Variants in TCF4 observed in about 807,000 individuals in gnomAD.
The protein encoded by TCF4 is transcription factor 4, also known as SL3-3 enhancer factor 2.
Under a neutral mutation model 82.1 loss-of-function variants are expected in TCF4, and 3 were observed. The observed-to-expected ratio is 0.04, with a 90% CI of 0.02 to 0.09. The LOEUF is 0.09. TCF4 is among the 10% of genes least tolerant of loss of function. The probability of loss-of-function intolerance (pLI) is 1.00; values close to 1 mark genes in which losing one functional copy is unlikely to be tolerated. For synonymous variants in TCF4, 276 were observed against 309.6 expected, an observed-to-expected ratio of 0.89 and a Z score of 1.14; for missense variants, 518 against 852.7, an observed-to-expected ratio of 0.61 and a Z score of 4.89.
intron 15 of TCF4, among the ~76,000 whole-genome samples, chr18:55,240,540 G>A (rs2050886028): frequency 6.6e-6 from 1 of 152,200 alleles, no homozygotes; most frequent in Non-Finnish European, 1.5e-5. Flanking sequence ...CTTTTAAAGA[G>A]GTGGGAAGCG....
At chr18:55,438,918 A>G (rs1173535329) in intron 5 of TCF4, among the ~76,000 whole-genome samples, 1 of 152,220 alleles carries the variant, frequency 6.6e-6, no homozygotes, top group Non-Finnish European at 1.5e-5. Context: ...AGACAGATTA[A>G]TGCTGAGAAC....
intron 3 of TCF4, among the ~76,000 whole-genome samples, chr18:55,538,790 G>C (rs891770318): frequency 6.6e-6 from 1 of 152,144 alleles, no homozygotes; most frequent in African/African-American, 2.4e-5. Flanking sequence ...CTAGATGGCT[G>C]TATATCTATC....
intron 3 of TCF4, among the ~76,000 whole-genome samples, chr18:55,527,752 AT>A (rs879546103): frequency 6.6e-6 from 1 of 152,080 alleles, no homozygotes; most frequent in Non-Finnish European, 1.5e-5. Flanking sequence ...AAATCCAAGA[AT>A]TTTTTTTAGA....
intron 2 of TCF4, among the ~76,000 whole-genome samples, chr18:55,601,421 T>C (rs546472238): frequency 1.3e-5 from 2 of 151,406 alleles, no homozygotes; most frequent in Admixed American, 1.3e-4. Context: ...CTGTGCCCTT[T>C]CCCTGAGGCC....
At chr18:55,587,746 TC>T (rs2097664828) in intron 1 of TCF4, among the ~76,000 whole-genome samples, 1 of 149,320 alleles carries the variant, frequency 6.7e-6, no homozygotes, top group African/African-American at 2.5e-5. Context: ...GAGGGTCGGG[TC>T]CTCTAATTGT....
intron 1 of TCF4, among the ~76,000 whole-genome samples, chr18:55,632,057 G>A (rs1354163435): frequency 6.6e-6 from 1 of 151,942 alleles, no homozygotes; most frequent in Non-Finnish European, 1.5e-5. Flanking sequence ...GTTTTGTTTT[G>A]AAACGTAGTC....
intron 6 of TCF4, among the ~76,000 whole-genome samples, chr18:55,362,484 A>G (rs974826244): frequency 4.6e-5 from 7 of 152,038 alleles, no homozygotes; most frequent in African/African-American, 1.4e-4. Flanking sequence ...TTGGACTCCA[A>G]TGTCCCTTCC....
At chr18:55,334,445 A>G (rs1404209953) in intron 8 of TCF4, among the ~76,000 whole-genome samples, 1 of 152,126 alleles carries the variant, frequency 6.6e-6, no homozygotes, top group African/African-American at 2.4e-5. Flanking sequence ...GCATAATTCC[A>G]AGATAAAAAT....
intron 3 of TCF4, among the ~76,000 whole-genome samples, chr18:55,479,534 C>T (rs1173102281): frequency 1.3e-5 from 2 of 152,120 alleles, no homozygotes; most frequent in Admixed American, 1.3e-4. Context: ...AGGATTTGGC[C>T]AATAAAATGT....
At chr18:55,471,543 GAA>G (rs1461352500) in intron 3 of TCF4, among the ~76,000 whole-genome samples, 2 of 152,080 alleles carry the variant, frequency 1.3e-5, no homozygotes, top group Non-Finnish European at 2.9e-5. Flanking sequence ...TATCAGACTA[GAA>G]AAAGTGAGGC....
At chr18:55,375,858 G>T (rs2090590995) in intron 6 of TCF4, among the ~76,000 whole-genome samples, 1 of 151,988 alleles carries the variant, frequency 6.6e-6, no homozygotes, top group Non-Finnish European at 1.5e-5. Flanking sequence ...TTTACAAATA[G>T]GGAGTAGGAG....
At chr18:55,503,035 AT>A (rs962864727) in intron 3 of TCF4, among the ~76,000 whole-genome samples, 103 of 152,284 alleles carry the variant, frequency 6.8e-4, no homozygotes, top group African/African-American at 2.4e-3. Context: ...ATTACTTTTG[AT>A]TTATCCTTAT....
At chr18:55,276,048 A>C (rs1187460718) in intron 9 of TCF4, among the ~76,000 whole-genome samples, 1 of 152,200 alleles carries the variant, frequency 6.6e-6, no homozygotes, top group Non-Finnish European at 1.5e-5. Context: ...TGCTAAAGGA[A>C]ACATTTCTTA....
chr18:55,364,921 G>T (rs188401425), intron 6 of TCF4, among the ~76,000 whole-genome samples: 1 of 151,888 alleles, frequency 6.6e-6, no homozygotes, highest in African/African-American at 2.4e-5. Context: ...AGCACTTTGG[G>T]AACTGAGGCA....
At chr18:55,438,939 AG>A (rs902334379) in intron 5 of TCF4, among the ~76,000 whole-genome samples, 8 of 152,192 alleles carry the variant, frequency 5.3e-5, no homozygotes. Flanking sequence ...AGAAATTGAA[AG>A]GTGTTTTTAG....
chr18:55,300,087 C>T (rs1008663914), intron 8 of TCF4, among the ~76,000 whole-genome samples: 1 of 149,502 alleles, frequency 6.7e-6, no homozygotes, highest in African/African-American at 2.5e-5. Context: ...GAAATACACA[C>T]ACATACAGAT....
At chr18:55,466,958 A>T (rs1287275977) in intron 3 of TCF4, among the ~76,000 whole-genome samples, 1 of 151,988 alleles carries the variant, frequency 6.6e-6, no homozygotes, top group Non-Finnish European at 1.5e-5. Context: ...TCCCATTTCC[A>T]TCTTTCCCAC....
chr18:55,409,367 AT>A (rs2094241328), intron 5 of TCF4, among the ~76,000 whole-genome samples: 2 of 152,222 alleles, frequency 1.3e-5, no homozygotes, highest in South Asian at 4.2e-4. Flanking sequence ...AAGACATTTA[AT>A]TCAGGGTTTT....
At chr18:55,478,690 C>A (rs151070858) in intron 3 of TCF4, among the ~76,000 whole-genome samples, 1 of 151,916 alleles carries the variant, frequency 6.6e-6, no homozygotes, top group African/African-American at 2.4e-5. Context: ...CTTATTGTAC[C>A]AAATGAGTTG....
Sources: gnomAD v4.1 joint callset for allele counts (sites outside exome capture counted in the v4.1 genomes callset) on GRCh38, gnomAD v4.1.1 for gene constraint, MANE v1.5 for transcripts, NCBI Gene and HGNC (gene_info 2026-07-23, HGNC 2026-07-21) for gene names.